Variants in NCKAP5 observed in about 807,000 individuals in gnomAD.
NCKAP5 encodes the protein nck-associated protein 5.
A neutral mutation model predicts 167.0 loss-of-function variants in NCKAP5; 92 were observed. That is an observed-to-expected ratio of 0.55 (90% CI 0.47 to 0.66). The LOEUF (loss-of-function observed/expected upper bound fraction) is 0.66. Ranked by LOEUF, NCKAP5 falls within the 30% of genes least tolerant of loss-of-function variation. The pLI is 0.00. For missense variants in NCKAP5, 2,378 were observed against 2,315.0 expected, an observed-to-expected ratio of 1.03 and a Z score of -0.56; for synonymous variants, 891 against 877.4, an observed-to-expected ratio of 1.02 and a Z score of -0.27.
At chr2:133,279,737 T>G (rs577833448) in intron 4 of NCKAP5, among the ~76,000 whole-genome samples, 1 of 152,250 alleles carries the variant, frequency 6.6e-6, no homozygotes, top group Admixed American at 6.5e-5. Context: ...GATAGCATTA[T>G]TGTCATTAAT....
chr2:133,603,230 T>TTC, the NCKAP5 span, among the ~76,000 whole-genome samples: 3 of 60,220 alleles, frequency 5.0e-5, no homozygotes, highest in East Asian at 5.9e-4. Context: ...TTTTCTTTCT[T>TTC]TTTTTTTTTT....
the NCKAP5 span, among the ~76,000 whole-genome samples, chr2:133,618,929 A>G: frequency 1.2e-4 from 17 of 146,528 alleles, no homozygotes; most frequent in South Asian, 4.7e-4. Context: ...TGATAGACTG[A>G]ATTAAGAAAA....
chr2:133,227,408 GAGT>G (rs1414891434), intron 4 of NCKAP5, among the ~76,000 whole-genome samples: 1 of 152,188 alleles, frequency 6.6e-6, no homozygotes, highest in Non-Finnish European at 1.5e-5. Flanking sequence ...TCATATTCCA[GAGT>G]GGAGACGGTT....
chr2:132,759,653 GTTTCT>G (rs1320321122), intron 16 of NCKAP5, among the ~76,000 whole-genome samples: 2 of 151,902 alleles, frequency 1.3e-5, no homozygotes, highest in East Asian at 1.9e-4. Context: ...GCTATACCAG[GTTTCT>G]TTTCTTTAAG....
chr2:132,749,656 T>C (rs1325549039), intron 16 of NCKAP5, among the ~76,000 whole-genome samples: 1 of 152,206 alleles, frequency 6.6e-6, no homozygotes, highest in African/African-American at 2.4e-5. Context: ...TGAGAAGAGG[T>C]TCTGGTCTTT....
At chr2:133,147,695 G>A (rs1008599899) in intron 5 of NCKAP5, among the ~76,000 whole-genome samples, 2 of 152,016 alleles carry the variant, frequency 1.3e-5, no homozygotes, top group South Asian at 4.1e-4. Flanking sequence ...GCTAGTAAGC[G>A]GCCTCTTCCC....
chr2:133,027,052 G>A (rs1161484288), intron 6 of NCKAP5, among the ~76,000 whole-genome samples: 1 of 152,310 alleles, frequency 6.6e-6, no homozygotes, highest in East Asian at 1.9e-4. Context: ...TTCCAAGGGA[G>A]TAAATGCATC....
At chr2:133,229,616 T>C (rs10210486) in intron 4 of NCKAP5, among the ~76,000 whole-genome samples, 21,098 of 152,118 alleles carry the variant, frequency 0.14, 1,457 homozygotes, top group East Asian at 0.16. Context: ...ATTTTCCCCA[T>C]TTTACAGATG....
In NCKAP5 at chr2:133,303,120, C is replaced by A; in HGVS notation, c.70-10G>T. 1 of 1,568,164 alleles carries A rather than the reference C, an allele frequency of 6.4e-7. No homozygotes were observed. Among genetic ancestry groups the A allele is most frequent in the Non-Finnish European group, 8.7e-7 (1 of 1,153,654 alleles). On this transcript the variant is annotated splice_polypyrimidine_tract_variant and intron_variant, in intron 3 of 19. Transcript: ENST00000409261. ...TGGAGTCCATGTATTCCTGCACAAG[C>A]AGACAAAGACAGATGAAAACTCACT...
At chr2:132,683,251 T>A (rs529929883) in intron 19 of NCKAP5, among the ~76,000 whole-genome samples, 1 of 119,862 alleles carries the variant, frequency 8.3e-6, no homozygotes, top group Non-Finnish European at 1.7e-5. Context: ...GAGAGGGTAC[T>A]GCTTGAATAG....
intron 6 of NCKAP5, among the ~76,000 whole-genome samples, chr2:133,061,842 A>T (rs1032358956): frequency 6.6e-6 from 1 of 152,150 alleles, no homozygotes; most frequent in Non-Finnish European, 1.5e-5. Flanking sequence ...TCCCCACCTT[A>T]GATCAACACA....
intron 6 of NCKAP5, among the ~76,000 whole-genome samples, chr2:133,063,830 A>G (rs2080093630): frequency 6.6e-6 from 1 of 152,252 alleles, no homozygotes; most frequent in Non-Finnish European, 1.5e-5. Flanking sequence ...AGAAAAACTT[A>G]AGATATTTAA....
At position 133,314,247 on chromosome 2, in the gene NCKAP5, TG is replaced by T. The variant is rs199827495; in HGVS notation, c.70-11138del. 4.3e-3 allele frequency among the ~76,000 whole-genome samples: 658 copies of T among 152,288 alleles called. 3 individuals carry two copies. Among genetic ancestry groups the T allele is most frequent in the African/African-American group, 0.014 (592 of 41,562 alleles). On this transcript the variant is annotated intron_variant, in intron 3 of 19. Coordinates refer to ENST00000409261, the MANE Select transcript of NCKAP5 (RefSeq NM_207363.3). ...TAGCACAAGACCTGCAAATAATAGATGGCAAGGCATTTCTAGAAACCAGGGT... is the reference window on the plus strand; with the variant it reads ...TAGCACAAGACCTGCAAATAATAGATGCAAGGCATTTCTAGAAACCAGGGT...
intron 19 of NCKAP5, among the ~76,000 whole-genome samples, chr2:132,691,380 G>C (rs531827712): frequency 3.0e-4 from 45 of 152,046 alleles, no homozygotes; most frequent in African/African-American, 1.1e-3. Context: ...CAGCCTATAA[G>C]GTCCGATATA....
intron 3 of NCKAP5, among the ~76,000 whole-genome samples, chr2:133,402,687 C>T (rs1333218588): frequency 6.6e-6 from 1 of 152,118 alleles, no homozygotes; most frequent in Non-Finnish European, 1.5e-5. Context: ...TCCTCCTTCT[C>T]TCTCTTGCTT....
chr2:133,226,411 C>T (rs1304686845), intron 4 of NCKAP5, among the ~76,000 whole-genome samples: 1 of 152,018 alleles, frequency 6.6e-6, no homozygotes, highest in Non-Finnish European at 1.5e-5. Context: ...AGATAACACA[C>T]CTATGGTTCA....
the NCKAP5 span, among the ~76,000 whole-genome samples, chr2:133,644,334 A>G: frequency 6.6e-6 from 1 of 152,164 alleles, no homozygotes; most frequent in Non-Finnish European, 1.5e-5. Context: ...CTATACCATC[A>G]GTTCTTCAAG....
Position 133,385,798 on chromosome 2 carries a change from T to G in NCKAP5, c.70-82688A>C, listed in dbSNP as rs560756823. Among the ~76,000 whole-genome samples, 5 of 152,322 alleles carry G rather than the reference T, an allele frequency of 3.3e-5. No individual in the cohort carries two copies. In the South Asian group the frequency reaches 6.2e-4, roughly 19 times the overall value. On this transcript the variant is annotated intron_variant, in intron 3 of 19. Coordinates refer to ENST00000409261, the MANE Select transcript of NCKAP5 (RefSeq NM_207363.3). ...TGGGAGGGTGTATGTGTCGAGGAAT[T>G]TATCCATTTCTTCTAGATTTTCTAG...
At chr2:133,331,455 C>T (rs910587477) in intron 3 of NCKAP5, among the ~76,000 whole-genome samples, 1 of 152,178 alleles carries the variant, frequency 6.6e-6, no homozygotes, top group Non-Finnish European at 1.5e-5. Flanking sequence ...ATTTTCAACC[C>T]AGAGCTCTTT....
Sources: gnomAD v4.1 joint callset for allele counts (sites outside exome capture counted in the v4.1 genomes callset) on GRCh38, gnomAD v4.1.1 for gene constraint, MANE v1.5 for transcripts, NCBI Gene and HGNC (gene_info 2026-07-23, HGNC 2026-07-21) for gene names.